Variants in MAPKAP1 observed in about 807,000 individuals in gnomAD.
MAPKAP1 encodes target of rapamycin complex 2 subunit MAPKAP1.
MAPKAP1 carries 20 observed loss-of-function variants against 65.7 expected under a neutral mutation model. The ratio of observed to expected loss-of-function variants is 0.30; its 90% CI spans 0.21 to 0.44. The LOEUF is 0.44. Among genes scored for constraint, MAPKAP1 ranks in the 20% least tolerant of loss-of-function variants. The probability of loss-of-function intolerance (pLI) is 1.00; values close to 1 mark genes in which losing one functional copy is unlikely to be tolerated. For missense variants in MAPKAP1, 423 were observed against 648.0 expected, an observed-to-expected ratio of 0.65 and a Z score of 3.77; for synonymous variants, 222 against 244.3, an observed-to-expected ratio of 0.91 and a Z score of 0.85.
intron 4 of MAPKAP1, among the ~76,000 whole-genome samples, chr9:125,594,117 G>A (rs1420962239): frequency 6.6e-6 from 1 of 152,088 alleles, no homozygotes; most frequent in African/African-American, 2.4e-5. Flanking sequence ...CCCCAGTTTA[G>A]GCTTCGTCAG....
intron 6 of MAPKAP1, among the ~76,000 whole-genome samples, chr9:125,546,099 G>A (rs1830414352): frequency 6.6e-6 from 1 of 152,166 alleles, no homozygotes; most frequent in South Asian, 2.1e-4. Flanking sequence ...TTCCTTTACA[G>A]CCTCCGTGCT....
chr9:125,594,768 C>A (rs1832076240), intron 4 of MAPKAP1, among the ~76,000 whole-genome samples: 1 of 152,160 alleles, frequency 6.6e-6, no homozygotes, highest in Admixed American at 6.5e-5. Flanking sequence ...ATTTTGTATT[C>A]TCTTAGAGCC....
At chr9:125,516,414 C>T (rs773409079) in intron 7 of MAPKAP1, among the ~76,000 whole-genome samples, 5 of 152,142 alleles carry the variant, frequency 3.3e-5, no homozygotes, top group Admixed American at 6.5e-5. Context: ...CACATAGAAG[C>T]GGCAGCCATT....
intron 5 of MAPKAP1, among the ~76,000 whole-genome samples, chr9:125,581,701 C>T (rs569231319): frequency 6.6e-6 from 1 of 152,142 alleles, no homozygotes; most frequent in Non-Finnish European, 1.5e-5. Context: ...GTCTAACTTG[C>T]TCTAGGTCCC....
In MAPKAP1 at chr9:125,468,073, G is replaced by A. The variant is rs530682321; in HGVS notation, c.1244C>T (p.Thr415Met). 30 of 1,614,092 alleles carry A rather than the reference G, an allele frequency of 1.9e-5. No homozygotes were observed. The highest frequency in any genetic ancestry group is 2.4e-5 in the Non-Finnish European group (28 of 1,180,026). The change falls in exon 10 of 12, where the codon ACG becomes ATG. Residue 415 changes from threonine (T) to methionine (M), a missense_variant. By Grantham distance (81) the Thr-to-Met change is moderately conservative. Coordinates refer to ENST00000265960, the MANE Select transcript of MAPKAP1 (RefSeq NM_001006617.3). The part of the protein sequence containing the change: ...SGDKVEIDPV[T>M]NQKASTKFWI... ...AAACTTAGTGCTGGCTTTCTGATTC[G>A]TAACAGGGTCTATCTCTACTTTGTC... is the stretch of plus-strand genomic sequence containing the variant.
At chr9:125,452,244 G>A (rs370334045) in intron 10 of MAPKAP1, among the ~76,000 whole-genome samples, 8 of 151,980 alleles carry the variant, frequency 5.3e-5, no homozygotes, top group South Asian at 2.1e-4. Context: ...GATTACAGGC[G>A]TGCGCCACCA....
chr9:125,481,525 C>T (rs759885792), intron 9 of MAPKAP1, among the ~76,000 whole-genome samples: 24 of 151,916 alleles, frequency 1.6e-4, no homozygotes, highest in East Asian at 1.9e-4. Context: ...CAGACTCAAG[C>T]GATCCTCCCA....
intron 4 of MAPKAP1, among the ~76,000 whole-genome samples, chr9:125,631,589 G>C (rs1484930649): frequency 6.6e-6 from 1 of 152,106 alleles, no homozygotes; most frequent in African/African-American, 2.4e-5. Flanking sequence ...CCCTACTTTT[G>C]CTAACCACAG....
At chr9:125,629,516 G>C (rs1382380863) in intron 4 of MAPKAP1, among the ~76,000 whole-genome samples, 1 of 152,204 alleles carries the variant, frequency 6.6e-6, no homozygotes, top group Admixed American at 6.5e-5. Flanking sequence ...GACAAATACT[G>C]CATGATTCCA....
intron 11 of MAPKAP1, among the ~76,000 whole-genome samples, chr9:125,444,000 G>A (rs960194321): frequency 7.2e-5 from 11 of 152,136 alleles, no homozygotes; most frequent in South Asian, 4.1e-4. Context: ...ATCCCAGGCC[G>A]TGGCCAGGCA....
chr9:125,588,101 T>C (rs1370720723), intron 4 of MAPKAP1, among the ~76,000 whole-genome samples: 2 of 152,216 alleles, frequency 1.3e-5, no homozygotes, highest in African/African-American at 2.4e-5. Context: ...TATGCTCACA[T>C]TGAAACTTGG....
intron 5 of MAPKAP1, among the ~76,000 whole-genome samples, chr9:125,579,224 C>A (rs1165737082): frequency 6.6e-6 from 1 of 152,214 alleles, no homozygotes; most frequent in African/African-American, 2.4e-5. Context: ...CTGCCAAATT[C>A]TCCATTCCTT....
At position 125,447,321 on chromosome 9, in the gene MAPKAP1, T is replaced by G; in HGVS notation, c.1346-2723A>C. 2.3e-6 allele frequency: 1 copy of G among 440,318 alleles called. No homozygotes were observed. The highest frequency in any genetic ancestry group is 4.6e-6 in the Non-Finnish European group (1 of 216,380). 27.3% of individuals were successfully genotyped at this position (440,318 alleles called of 1,614,324 possible). A position where few individuals can be genotyped will look rare whatever the true frequency, so the allele number is the denominator to read the frequency against. ...TGTTTGTCCTTTCCAGTGAAAGCAC[T>G]CACGCCATAGGAGAGGGGAACAGAG... On this transcript the variant is annotated intron_variant, in intron 10 of 11. Transcript: ENST00000265960. This position sits in a 1 kb window ranked among gnomAD's most constrained non-coding sequence, Gnocchi z 4.5.
At chr9:125,635,545 G>A (rs1833399780) in intron 4 of MAPKAP1, among the ~76,000 whole-genome samples, 1 of 152,206 alleles carries the variant, frequency 6.6e-6, no homozygotes, top group South Asian at 2.1e-4. Flanking sequence ...CGTTCATGAA[G>A]CAGCCCTGTC....
At chr9:125,542,914 C>A in intron 7 of MAPKAP1, 145 bp downstream of exon 7, 1 of 775,926 alleles carries the variant, frequency 1.3e-6, no homozygotes. Flanking sequence ...GTACAATCAC[C>A]TTTTCTTGCA....
At chr9:125,524,092 C>T (rs541997786) in intron 7 of MAPKAP1, among the ~76,000 whole-genome samples, 17 of 152,330 alleles carry the variant, frequency 1.1e-4, no homozygotes, top group Non-Finnish European at 2.1e-4. Flanking sequence ...GGCTTGAGGA[C>T]TGCAACCTAG....
At chr9:125,477,945 C>G (rs1854170696) in intron 9 of MAPKAP1, 1 of 152,054 alleles carries the variant, frequency 6.6e-6, no homozygotes, top group Admixed American at 6.5e-5. Flanking sequence ...TTAGGACTGA[C>G]AGAGGGAAAG....
At chr9:125,577,734 C>T (rs1564567029) in intron 5 of MAPKAP1, among the ~76,000 whole-genome samples, 1 of 131,596 alleles carries the variant, frequency 7.6e-6, no homozygotes, top group Non-Finnish European at 1.6e-5. Flanking sequence ...GTGAGGGGCG[C>T]CTCTGCCTGG....
intron 5 of MAPKAP1, among the ~76,000 whole-genome samples, chr9:125,570,959 A>T (rs527489298): frequency 2.0e-5 from 3 of 152,334 alleles, no homozygotes; most frequent in Non-Finnish European, 4.4e-5. Context: ...AAGGTTTATA[A>T]GAATCTTAAC....
Sources: allele counts gnomAD v4.1 joint callset (sites outside exome capture counted in the v4.1 genomes callset), GRCh38; gene constraint gnomAD v4.1.1; non-coding constraint Gnocchi (gnomAD v3.1); transcripts MANE v1.5; gene names NCBI Gene and HGNC (gene_info 2026-07-23, HGNC 2026-07-21).